TFEC: variants seen among roughly 807,000 people sequenced by gnomAD.
The protein encoded by TFEC is class E basic helix-loop-helix protein 34.
A neutral mutation model predicts 41.6 loss-of-function variants in TFEC; 31 were observed. The ratio of observed to expected loss-of-function variants is 0.74; its 90% CI spans 0.56 to 1.01. The LOEUF is 1.01. TFEC is among the 50% of genes least tolerant of loss of function. The pLI, the probability that TFEC is intolerant of heterozygous loss-of-function variation, is 0.00. For synonymous variants in TFEC, 143 were observed against 140.6 expected (o/e 1.02, Z -0.12); for missense variants, 402 against 404.1 (o/e 0.99, Z 0.04).
At chr7:116,113,617 G>A (rs780437617) in intron 1 of TFEC, among the ~76,000 whole-genome samples, 2 of 151,944 alleles carry the variant, frequency 1.3e-5, no homozygotes, top group African/African-American at 2.4e-5. Flanking sequence ...ATTGTCAGGA[G>A]GATTATAATA....
At chr7:116,146,833 G>C (rs935922356) in intron 1 of TFEC, among the ~76,000 whole-genome samples, 11 of 152,196 alleles carry the variant, frequency 7.2e-5, no homozygotes, top group African/African-American at 2.6e-4. Context: ...GAGTTTACCT[G>C]ATATATTTAA....
chr7:116,019,046 G>A (rs1434638822), intron 1 of TFEC, among the ~76,000 whole-genome samples: 1 of 152,044 alleles, frequency 6.6e-6, no homozygotes, highest in Non-Finnish European at 1.5e-5. Context: ...GGGAGCAATG[G>A]GCAGGCCAAA....
At chr7:116,022,146 G>GGAAT (rs1330043504) in intron 1 of TFEC, among the ~76,000 whole-genome samples, 5 of 152,244 alleles carry the variant, frequency 3.3e-5, no homozygotes, top group African/African-American at 1.2e-4. Flanking sequence ...GAGAGATAAG[G>GGAAT]GAATGGGCTC....
chr7:115,965,997 G>A (rs1469190419), intron 3 of TFEC, among the ~76,000 whole-genome samples: 2 of 151,006 alleles, frequency 1.3e-5, no homozygotes, highest in South Asian at 2.1e-4. Flanking sequence ...TATGTTCCCC[G>A]CCACTAGTAT....
At chr7:116,129,553 TTTC>T (rs1485288691) in intron 1 of TFEC, among the ~76,000 whole-genome samples, 1 of 151,866 alleles carries the variant, frequency 6.6e-6, no homozygotes, top group Non-Finnish European at 1.5e-5. Flanking sequence ...GCATGGTGTT[TTTC>T]TTGCTACCTT....
At chr7:116,132,230 T>C (rs189888202) in intron 1 of TFEC, among the ~76,000 whole-genome samples, 73 of 152,328 alleles carry the variant, frequency 4.8e-4, no homozygotes, top group Middle Eastern at 3.4e-3. Context: ...AAATTACTCA[T>C]GGAAATCCCC....
intron 3 of TFEC, among the ~76,000 whole-genome samples, chr7:116,063,340 G>C (rs1392477499): frequency 1.3e-5 from 2 of 152,204 alleles, no homozygotes; most frequent in African/African-American, 4.8e-5. Context: ...GGGGTGGCTG[G>C]GCGCGGTGGC....
intron 1 of TFEC, among the ~76,000 whole-genome samples, chr7:116,014,409 G>A (rs931686990): frequency 1.3e-5 from 2 of 151,768 alleles, no homozygotes; most frequent in East Asian, 1.9e-4. Context: ...TGGAATATAT[G>A]GAAAATGTTT....
At chr7:116,111,807 C>T (rs1377947371) in intron 2 of TFEC, among the ~76,000 whole-genome samples, 1 of 151,962 alleles carries the variant, frequency 6.6e-6, no homozygotes, top group African/African-American at 2.4e-5. Context: ...TAAACAGACC[C>T]AACCCCCAAG....
intron 1 of TFEC, among the ~76,000 whole-genome samples, chr7:115,999,555 TAAAC>T (rs1794507526): frequency 6.6e-6 from 1 of 151,530 alleles, no homozygotes; most frequent in Non-Finnish European, 1.5e-5. Flanking sequence ...CTTGAAAAGA[TAAAC>T]AAAATCAACA....
intron 3 of TFEC, among the ~76,000 whole-genome samples, chr7:116,062,560 CAT>C (rs57742551): frequency 0.093 from 9,286 of 99,532 alleles, 360 homozygotes; most frequent in Non-Finnish European, 0.12. Context: ...GAGTAGTACT[CAT>C]ATATATATAT....
At chr7:116,035,887 C>T (rs1004861203) in intron 3 of TFEC, among the ~76,000 whole-genome samples, 1 of 151,630 alleles carries the variant, frequency 6.6e-6, no homozygotes, top group Admixed American at 6.6e-5. Flanking sequence ...TTTCAAATAC[C>T]TTAAAGATTT....
intron 1 of TFEC, among the ~76,000 whole-genome samples, chr7:116,000,662 G>A (rs113979171): frequency 1.3e-5 from 2 of 151,864 alleles, no homozygotes; most frequent in Non-Finnish European, 2.9e-5. Context: ...AACAGTGAAC[G>A]ATCTGAAAAA....
At chr7:116,112,853 A>G (rs1036836924) in intron 1 of TFEC, among the ~76,000 whole-genome samples, 3 of 152,066 alleles carry the variant, frequency 2.0e-5, no homozygotes, top group African/African-American at 7.2e-5. Context: ...TGGAAACAAG[A>G]AAAGTATTTG....
chr7:116,154,991 T>C (rs560930746), intron 1 of TFEC, among the ~76,000 whole-genome samples: 10 of 152,356 alleles, frequency 6.6e-5, no homozygotes, highest in African/African-American at 2.4e-4. Context: ...TTGGTGGTTC[T>C]AGCCCCTGCT....
intron 1 of TFEC, among the ~76,000 whole-genome samples, chr7:116,112,539 C>T (rs916916318): frequency 1.3e-5 from 2 of 151,928 alleles, no homozygotes; most frequent in East Asian, 1.9e-4. Flanking sequence ...TATAGCTGTA[C>T]ACATGACAAT....
intron 3 of TFEC, among the ~76,000 whole-genome samples, chr7:116,098,102 A>T (rs1483040384): frequency 6.6e-6 from 1 of 152,220 alleles, no homozygotes; most frequent in Non-Finnish European, 1.5e-5. Flanking sequence ...CTTGCTAAAA[A>T]CATGATAATA....
At chr7:116,078,074 T>TA (rs1584488547) in intron 3 of TFEC, among the ~76,000 whole-genome samples, 1 of 152,036 alleles carries the variant, frequency 6.6e-6, no homozygotes, top group Non-Finnish European at 1.5e-5. Context: ...TTATATCAAA[T>TA]ACTCTCTCAG....
intron 1 of TFEC, among the ~76,000 whole-genome samples, chr7:116,114,751 G>A (rs1032084023): frequency 1.3e-5 from 2 of 151,904 alleles, no homozygotes; most frequent in African/African-American, 4.8e-5. Flanking sequence ...ATGCAAGAGC[G>A]GTAAAAAATT....
Sources: gnomAD v4.1 joint callset for allele counts (sites outside exome capture counted in the v4.1 genomes callset) on GRCh38, gnomAD v4.1.1 for gene constraint, MANE v1.5 for transcripts, NCBI Gene and HGNC (gene_info 2026-07-23, HGNC 2026-07-21) for gene names.